Variants in ZMYND19 observed in about 807,000 individuals in gnomAD.
ZMYND19 encodes the protein zinc finger MYND domain-containing protein 19.
In ZMYND19, 17 loss-of-function variants were observed where a neutral mutation model predicts 32.0. The observed-to-expected ratio is 0.53, with a 90% CI of 0.36 to 0.80. The LOEUF is 0.80. Among genes scored for constraint, ZMYND19 ranks in the 30% least tolerant of loss-of-function variants. The pLI, the probability that ZMYND19 is intolerant of heterozygous loss-of-function variation, is 0.00. For synonymous variants in ZMYND19, 124 were observed against 113.6 expected, an observed-to-expected ratio of 1.09 and a Z score of -0.58; for missense variants, 250 against 293.6, an observed-to-expected ratio of 0.85 and a Z score of 1.09.
chr9:137,589,206 G>T (rs906390361), intron 1 of ZMYND19: 1 of 329,472 alleles, frequency 3.0e-6, no homozygotes, highest in Non-Finnish European at 4.4e-6. Context: ...GGATGACAAT[G>T]CCATCATGGG....
rs2133306230 is a variant in ZMYND19, at chr9:137,590,381, A to G, written c.-118T>C. The G allele has an allele frequency of 1.6e-6, 1 of 635,828 alleles. No individual in the cohort carries two copies. The highest frequency in any genetic ancestry group is 6.7e-5 in the South Asian group (1 of 14,870). The allele number at this position is 635,828 out of a possible 1,614,324, so 39.4% of individuals were successfully genotyped here. On this transcript the variant is annotated 5_prime_UTR_variant, in exon 1 of 6. Transcript: ENST00000298585. The surrounding 1 kb of genome is among the most constrained non-coding windows in gnomAD (Gnocchi z 4.2). ...GGACCGGAGCCGGGGTCGGGGTAGC[A>G]GCCAGGCGGGCTCCGGGCGGGACGA... is the stretch of plus-strand genomic sequence containing the variant.
chr9:137,586,813 C>T (rs1842210250), intron 4 of ZMYND19, among the ~76,000 whole-genome samples, 154 bp downstream of exon 4: 1 of 152,238 alleles, frequency 6.6e-6, no homozygotes, highest in African/African-American at 2.4e-5. Flanking sequence ...AGGAGGATTC[C>T]ACGCTTTGGG....
At chr9:137,582,711 T>C (rs189585137) in intron 5 of ZMYND19, 25 bp from the exon 6 acceptor site, 2 of 1,608,296 alleles carry the variant, frequency 1.2e-6, no homozygotes, top group Non-Finnish European at 1.7e-6. Context: ...ACCTGTGGCT[T>C]CACCATCATG....
chr9:137,587,762 T>C lies in ZMYND19; in HGVS notation c.173A>G (p.Lys58Arg), dbSNP rs1255480747. ...GAKIFAYAFDKNRGRGSGRLL... is the reference protein window; with the variant it reads ...GAKIFAYAFDRNRGRGSGRLL... ...TCTCCCAGAGCCCCTTCCTCGGTTC[T>C]TGTCAAAGGCATAGGCAAATATCTT... is the stretch of plus-strand genomic sequence containing the variant. Residue 58 changes from lysine to arginine, a missense_variant, in exon 3 of 6, where the codon AAG (lysine) becomes AGG (arginine). Coordinates refer to ENST00000298585, the MANE Select transcript of ZMYND19 (RefSeq NM_138462.3). 1 of 1,614,160 alleles carries C rather than the reference T, an allele frequency of 6.2e-7. No homozygotes were observed. The highest frequency in any genetic ancestry group is 2.2e-5 in the East Asian group (1 of 44,872).
chr9:137,589,091 G>A (rs1842240176), intron 1 of ZMYND19: 1 of 219,782 alleles, frequency 4.5e-6, no homozygotes, highest in South Asian at 1.0e-4. Flanking sequence ...TGAGGCAGAA[G>A]AGCCAGAAGG....
chr9:137,583,057 C>G lies in ZMYND19; in HGVS notation c.466G>C (p.Val156Leu). ...CAAGAGTTCTCCTCCTCTTCCACTA[C>G]ATCCCCGTTGGCATTATAATACCGG... ...VTRYYNANGD[V>L]VEEEENSCTY... The change falls in exon 5 of 6, where the codon GTA becomes CTA. Residue 156 changes from valine to leucine, a missense_variant. Around this residue, in one of 2 missense-constraint regions of ZMYND19, gnomAD observed 212 missense variants for 218.8 expected, o/e 0.97. Transcript: ENST00000298585. 6.2e-7 allele frequency: 1 copy of G among 1,614,246 alleles called. No homozygotes were observed. Among genetic ancestry groups the G allele is most frequent in the Non-Finnish European group, 8.5e-7 (1 of 1,180,030 alleles).
At chr9:137,582,936 T>A in intron 5 of ZMYND19, 47 bp downstream of exon 5, 1 of 1,602,400 alleles carries the variant, frequency 6.2e-7, no homozygotes, top group Non-Finnish European at 8.5e-7. Context: ...AAGGCTGGGC[T>A]ACAGGGTAGA....
At chr9:137,588,955 T>G in intron 1 of ZMYND19, 1 of 522,428 alleles carries the variant, frequency 1.9e-6, no homozygotes, top group South Asian at 2.3e-5. Context: ...CACTTTAGTC[T>G]GCGCCAGAGG....
In ZMYND19 at chr9:137,587,764, G is replaced by A. The variant is rs372045907; in HGVS notation, c.171C>T (p.Asp57=). ...TCCCAGAGCCCCTTCCTCGGTTCTT[G>A]TCAAAGGCATAGGCAAATATCTTAG... The part of the protein sequence containing the change: ...NGAKIFAYAF[D]KNRGRGSGRL... The change falls in exon 3 of 6, where the codon GAC becomes GAT. Residue 57 remains aspartate (D), a synonymous_variant. Coordinates refer to ENST00000298585, the MANE Select transcript of ZMYND19 (RefSeq NM_138462.3). 46 of 1,614,058 alleles carry A rather than the reference G, an allele frequency of 2.8e-5. No homozygotes were observed. The African/African-American group carries it at 5.7e-4, about 20-fold the overall frequency.
chr9:137,590,347 G>C lies in ZMYND19; in HGVS notation c.-84C>G. On this transcript the variant is annotated 5_prime_UTR_variant, in exon 1 of 6. Coordinates refer to ENST00000298585, the MANE Select transcript of ZMYND19 (RefSeq NM_138462.3). The surrounding 1 kb of genome is among the most constrained non-coding windows in gnomAD (Gnocchi z 4.2). ...CCGGGGCGAGGCCGCGGCGCGCCGG[G>C]ACAGGACGGGACCGGAGCCGGGGTC... The C allele has an allele frequency of 1.1e-6, 1 of 875,134 alleles. No homozygotes were observed. The highest frequency in any genetic ancestry group is 1.4e-6 in the Non-Finnish European group (1 of 727,636). 54.2% of individuals were successfully genotyped at this position (875,134 alleles called of 1,614,324 possible).
chr9:137,589,112 G>A (rs542396069), intron 1 of ZMYND19: 9 of 199,488 alleles, frequency 4.5e-5, no homozygotes, highest in Middle Eastern at 2.0e-3. Flanking sequence ...TTTTGATTAG[G>A]GTGTGTTTAT....
In ZMYND19 at chr9:137,582,549, C is replaced by A. The variant is rs766966939; in HGVS notation, c.678G>T (p.Glu226Asp). The change falls in exon 6 of 6, where the codon GAG becomes GAT. Residue 226 changes from glutamate (E) to aspartate (D), a missense_variant. Glu to Asp is a conservative substitution (Grantham distance 45). Coordinates refer to ENST00000298585, the MANE Select transcript of ZMYND19 (RefSeq NM_138462.3). ...KRPFQHELEP[E>D]R ...TGTGTGGCTCCCCTGCCCGTCATCG[C>A]TCTGGCTCAAGCTCATGCTGGAAGG... The A allele has an allele frequency of 1.2e-6, 2 of 1,612,542 alleles. No homozygotes were observed. Among genetic ancestry groups the A allele is most frequent in the Non-Finnish European group, 1.7e-6 (2 of 1,179,924 alleles).
Position 137,590,106 on chromosome 9 carries a change from C to T in ZMYND19, c.51+107G>A. On this transcript the variant is annotated intron_variant, in intron 1 of 5. Transcript: ENST00000298585. The surrounding 1 kb of genome is among the most constrained non-coding windows in gnomAD (Gnocchi z 4.2). ...TCCCCCGCCCCGCTGGGGCCCATCC[C>T]GGGCTCCGCGCCCCCGCCCCGGCCG... 1.0e-6 allele frequency: 1 copy of T among 982,018 alleles called. No homozygotes were observed. The highest frequency in any genetic ancestry group is 1.2e-6 in the Non-Finnish European group (1 of 828,326). The allele number at this position is 982,018 out of a possible 1,614,324, so 60.8% of individuals were successfully genotyped here. A position where few individuals can be genotyped will look rare whatever the true frequency, so the allele number is the denominator to read the frequency against.
At chr9:137,585,008 C>T (rs998071357) in intron 4 of ZMYND19, among the ~76,000 whole-genome samples, 1 of 152,122 alleles carries the variant, frequency 6.6e-6, no homozygotes, top group Non-Finnish European at 1.5e-5. Flanking sequence ...GAATAAAAAC[C>T]CCATTCAACA....
intron 4 of ZMYND19, among the ~76,000 whole-genome samples, chr9:137,584,855 G>T (rs919245716): frequency 2.0e-5 from 3 of 152,182 alleles, no homozygotes; most frequent in Non-Finnish European, 1.5e-5. Context: ...CGGGAGTGGG[G>T]GCGCAGAGCT....
chr9:137,589,994 T>C (rs891149777), intron 1 of ZMYND19: 1 of 985,140 alleles, frequency 1.0e-6, no homozygotes, highest in Non-Finnish European at 1.2e-6. Context: ...GGTGGCCAGG[T>C]GCACCCCAGA....
At chr9:137,587,568 G>A (rs1842220018) in intron 3 of ZMYND19, 149 bp downstream of exon 3, 1 of 709,540 alleles carries the variant, frequency 1.4e-6, no homozygotes, top group African/African-American at 1.8e-5. Flanking sequence ...GTTCCTTTGG[G>A]TTAGTGGTGA....
intron 1 of ZMYND19, chr9:137,589,669 G>A: frequency 1.0e-6 from 1 of 985,476 alleles, no homozygotes; most frequent in Non-Finnish European, 1.2e-6. Flanking sequence ...TCTGCTCCGA[G>A]TCTGAGGCTC....
At chr9:137,584,087 A>C (rs1208045413) in intron 4 of ZMYND19, among the ~76,000 whole-genome samples, 1 of 152,272 alleles carries the variant, frequency 6.6e-6, no homozygotes, top group African/African-American at 2.4e-5. Flanking sequence ...ACCAGGATCC[A>C]GACGGACACA....
Sources: allele counts gnomAD v4.1 joint callset (sites outside exome capture counted in the v4.1 genomes callset), GRCh38; gene constraint gnomAD v4.1.1; regional missense constraint gnomAD v4.1.1; non-coding constraint Gnocchi (gnomAD v3.1); transcripts MANE v1.5; gene names NCBI Gene and HGNC (gene_info 2026-07-23, HGNC 2026-07-21).